The following MATN2 variants were observed in gnomAD, a reference collection of about 807,000 sequenced individuals.
MATN2 encodes the protein matrilin-2.
Under a neutral mutation model 103.2 loss-of-function variants are expected in MATN2, and 69 were observed. The observed-to-expected ratio is 0.67, with a 90% CI of 0.55 to 0.82. The LOEUF (loss-of-function observed/expected upper bound fraction) is 0.82. MATN2 is among the 40% of genes least tolerant of loss of function. MATN2 has a pLI of 0.00. For missense variants in MATN2, 1,023 were observed against 1,211.5 expected (o/e 0.84, Z 2.31); for synonymous variants, 429 against 450.2 (o/e 0.95, Z 0.60).
At chr8:97,941,182 A>AAAAAG in intron 3 of MATN2, among the ~76,000 whole-genome samples, 1 of 58,450 alleles carries the variant, frequency 1.7e-5, no homozygotes, top group Non-Finnish European at 3.1e-5. Flanking sequence ...AAAAAAAAAA[A>AAAAAG]AAAGAAAGAA....
chr8:97,904,318 A>C (rs1479735334), intron 2 of MATN2, among the ~76,000 whole-genome samples: 1 of 152,184 alleles, frequency 6.6e-6, no homozygotes, highest in African/African-American at 2.4e-5. Context: ...TTTTGAGTCT[A>C]TTTTAGTAAT....
chr8:97,890,386 A>G (rs1586381437), intron 2 of MATN2, among the ~76,000 whole-genome samples: 2 of 151,202 alleles, frequency 1.3e-5, no homozygotes, highest in Admixed American at 1.3e-4. Context: ...AATCGCTTGA[A>G]CCCAGGAAGT....
intron 2 of MATN2, among the ~76,000 whole-genome samples, chr8:97,892,235 CA>C (rs568746138): frequency 1.4e-3 from 154 of 107,508 alleles, no homozygotes; most frequent in Non-Finnish European, 1.4e-3. Context: ...GAAACTGTCT[CA>C]AAAAAAAAAA....
intron 2 of MATN2, among the ~76,000 whole-genome samples, chr8:97,916,588 T>C (rs923605910): frequency 6.6e-6 from 1 of 152,186 alleles, no homozygotes; most frequent in African/African-American, 2.4e-5. Flanking sequence ...TGTGTCCGTG[T>C]GTTCCCATCA....
chr8:97,891,012 C>T (rs2129990047), intron 2 of MATN2, among the ~76,000 whole-genome samples: 1 of 152,302 alleles, frequency 6.6e-6, no homozygotes, highest in South Asian at 2.1e-4. Context: ...GTGGGCTGTT[C>T]ACTCGGCAGC....
intron 14 of MATN2, among the ~76,000 whole-genome samples, chr8:98,028,593 C>CA (rs1563736122): frequency 6.8e-6 from 1 of 146,758 alleles, no homozygotes; most frequent in African/African-American, 2.5e-5. Context: ...TTGAAAACTG[C>CA]TTTTTTTTTT....
intron 4 of MATN2, among the ~76,000 whole-genome samples, chr8:97,947,394 A>G (rs1313324442): frequency 2.0e-5 from 3 of 152,212 alleles, no homozygotes; most frequent in African/African-American, 2.4e-5. Flanking sequence ...AGCCACTAAA[A>G]CTAATAAATG....
intron 6 of MATN2, 150 bp downstream of exon 6, chr8:97,979,158 T>A: frequency 1.1e-6 from 1 of 876,142 alleles, no homozygotes; most frequent in Non-Finnish European, 1.7e-6. Flanking sequence ...CTGTCAGGAC[T>A]TTCATGACTT....
intron 5 of MATN2, among the ~76,000 whole-genome samples, chr8:97,965,818 T>TAA (rs796431872): frequency 6.6e-6 from 1 of 150,738 alleles, no homozygotes; most frequent in Non-Finnish European, 1.5e-5. Context: ...CCATCTCTAC[T>TAA]AAAAAAAAAT....
intron 15 of MATN2, among the ~76,000 whole-genome samples, chr8:98,030,817 C>A (rs568262815): frequency 3.9e-5 from 6 of 152,160 alleles, no homozygotes; most frequent in African/African-American, 1.4e-4. Flanking sequence ...CACCCACCAC[C>A]ACACCCAGCT....
At chr8:97,874,864 C>T (rs529720152) in intron 1 of MATN2, among the ~76,000 whole-genome samples, 32 of 151,590 alleles carry the variant, frequency 2.1e-4, no homozygotes, top group African/African-American at 7.0e-4. Context: ...ATTACAGGCG[C>T]GAGCCACCAT....
At chr8:98,028,315 C>T (rs1813885734) in intron 14 of MATN2, among the ~76,000 whole-genome samples, 1 of 152,114 alleles carries the variant, frequency 6.6e-6, no homozygotes, top group Non-Finnish European at 1.5e-5. Context: ...CTTGTGTTTC[C>T]AGGAGGCAAA....
intron 5 of MATN2, among the ~76,000 whole-genome samples, chr8:97,974,538 C>G (rs1190270891): frequency 2.0e-5 from 3 of 152,166 alleles, no homozygotes; most frequent in African/African-American, 7.2e-5. Flanking sequence ...CCTCCACCTC[C>G]CAGATTCAAA....
chr8:98,007,408 G>T lies in MATN2; in HGVS notation c.1451-71G>T. 1 of 1,579,172 alleles carries T rather than the reference G, an allele frequency of 6.3e-7. No individual in the cohort carries two copies. Among genetic ancestry groups the T allele is most frequent in the South Asian group, 1.1e-5 (1 of 87,266 alleles). On this transcript the variant is annotated intron_variant, in intron 9 of 18. Transcript: ENST00000254898. The surrounding 1 kb of genome is among the most constrained non-coding windows in gnomAD (Gnocchi z 4.2). Reference sequence around the variant, plus strand: ...CGAGGGAGGGCGGGGTGAGCATGACGGTCACTTGATCCAATCACTGTCGCC... The same window carrying T: ...CGAGGGAGGGCGGGGTGAGCATGACTGTCACTTGATCCAATCACTGTCGCC...
rs1436378805 is a variant in MATN2, at chr8:97,982,418, G to A, written c.1081+3410G>A. On this transcript the variant is annotated intron_variant, in intron 6 of 18. Coordinates refer to ENST00000254898, the MANE Select transcript of MATN2 (RefSeq NM_002380.5). The surrounding 1 kb of genome is among the most constrained non-coding windows in gnomAD (Gnocchi z 4.3). ...AAGTCGGCCTGGTTACTGCTGTGATGTTGAAAGATTTTTTTTTAAAATTCT... is the reference window on the plus strand; with the variant it reads ...AAGTCGGCCTGGTTACTGCTGTGATATTGAAAGATTTTTTTTTAAAATTCT... Among the ~76,000 whole-genome samples the A allele has an allele frequency of 1.3e-5, 2 of 152,192 alleles. No individual in the cohort carries two copies. Among genetic ancestry groups the A allele is most frequent in the Admixed American group, 6.5e-5 (1 of 15,282 alleles).
chr8:97,906,997 C>CTTTTT (rs61459656), intron 2 of MATN2, among the ~76,000 whole-genome samples: 1 of 116,142 alleles, frequency 8.6e-6, no homozygotes, highest in African/African-American at 3.5e-5. Flanking sequence ...CCATAGCTGA[C>CTTTTT]TTTTTTTTTT....
chr8:97,907,963 C>A (rs985986040), intron 2 of MATN2, among the ~76,000 whole-genome samples: 2 of 151,890 alleles, frequency 1.3e-5, no homozygotes, highest in African/African-American at 4.8e-5. Context: ...TCTGGTGAAA[C>A]CTTGTCTCTA....
chr8:97,978,005 C>T (rs1419070334), intron 5 of MATN2, among the ~76,000 whole-genome samples: 1 of 152,178 alleles, frequency 6.6e-6, no homozygotes, highest in Admixed American at 6.5e-5. Flanking sequence ...TTGCTTTTCT[C>T]CAGAATTTTC....
chr8:97,883,117 G>T (rs1464783816), intron 1 of MATN2, among the ~76,000 whole-genome samples: 2 of 151,738 alleles, frequency 1.3e-5, no homozygotes, highest in Admixed American at 1.3e-4. Context: ...TGGCCTGGCC[G>T]ACATAGTGAA....
Sources: allele counts gnomAD v4.1 joint callset (sites outside exome capture counted in the v4.1 genomes callset), GRCh38; gene constraint gnomAD v4.1.1; non-coding constraint Gnocchi (gnomAD v3.1); transcripts MANE v1.5; gene names NCBI Gene and HGNC (gene_info 2026-07-23, HGNC 2026-07-21).